The following DTWD2 variants were observed in gnomAD, a reference collection of about 807,000 sequenced individuals.
DTWD2 encodes tRNA-uridine aminocarboxypropyltransferase 2.
DTWD2 carries 39 observed loss-of-function variants against 31.8 expected under a neutral mutation model. The observed-to-expected ratio is 1.22, with a 90% CI of 0.95 to 1.60. DTWD2 has a LOEUF of 1.60. Ranked by LOEUF, DTWD2 falls within the 40% of genes most tolerant of loss-of-function variation. DTWD2 has a pLI of 0.00. For missense variants in DTWD2, 515 were observed against 381.5 expected (o/e 1.35, Z -2.92); for synonymous variants, 180 against 142.8 (o/e 1.26, Z -1.86).
rs1755061999 is a variant in DTWD2, at chr5:118,973,945, T to C, written c.218+14349A>G. On this transcript the variant is annotated intron_variant, in intron 1 of 5. Coordinates refer to ENST00000510708, the MANE Select transcript of DTWD2 (RefSeq NM_173666.4). The stretch of plus-strand genomic sequence containing the variant: ...AAAATGGGGAGCAGGAGGCTGACAA[T>C]GAGGTAGATGAAGAAGAGGAAGAAG... 3.2e-6 allele frequency: 5 copies of C among 1,585,062 alleles called. No individual in the cohort carries two copies. In the Admixed American group the frequency reaches 8.4e-5, roughly 27 times the overall value.
At chr5:118,962,840 G>A (rs1365798275) in intron 1 of DTWD2, among the ~76,000 whole-genome samples, 1 of 152,182 alleles carries the variant, frequency 6.6e-6, no homozygotes, top group Non-Finnish European at 1.5e-5. Flanking sequence ...ACTTTTTCAA[G>A]AGAAAACAGA....
In DTWD2 at chr5:118,984,290, CAA is replaced by C. The variant is rs58684460; in HGVS notation, c.218+4002_218+4003del. Among the ~76,000 whole-genome samples, 5 of 140,224 alleles carry C rather than the reference CAA, an allele frequency of 3.6e-5. No homozygotes were observed. The East Asian group carries it at 6.2e-4, about 17-fold the overall frequency. 92.0% of individuals were successfully genotyped at this position (140,224 alleles called of 152,430 possible). On this transcript the variant is annotated intron_variant, in intron 1 of 5. Coordinates refer to ENST00000510708, the MANE Select transcript of DTWD2 (RefSeq NM_173666.4). ...GGCAACAAGAGCAAAAACTCCATCT[CAA>C]AAAAAAAAAAATACAAAACTTAGCC...
intron 1 of DTWD2, among the ~76,000 whole-genome samples, chr5:118,948,755 G>C (rs1047540990): frequency 3.3e-5 from 5 of 152,116 alleles, no homozygotes; most frequent in Non-Finnish European, 7.4e-5. Flanking sequence ...GATTAGTTAG[G>C]GAGAGCTAGT....
At chr5:118,954,452 T>C (rs1021367947) in intron 1 of DTWD2, among the ~76,000 whole-genome samples, 10 of 152,210 alleles carry the variant, frequency 6.6e-5, no homozygotes, top group African/African-American at 2.4e-4. Context: ...CCTACCTTTT[T>C]CACTGCTATA....
At position 118,888,618 on chromosome 5, in the gene DTWD2, T is replaced by G. The variant is rs186649640; in HGVS notation, c.597+39919A>C. On this transcript the variant is annotated intron_variant, in intron 4 of 5. Transcript: ENST00000510708. Reference sequence around the variant, plus strand: ...ACTTTTCATTTCTCTTGGTTAAATATCTAGGAGTGAAATGGCTGGATCACA... The same window carrying G: ...ACTTTTCATTTCTCTTGGTTAAATAGCTAGGAGTGAAATGGCTGGATCACA... 5.3e-5 allele frequency among the ~76,000 whole-genome samples: 8 copies of G among 152,360 alleles called. No homozygotes were observed. The East Asian group carries it at 1.5e-3, about 29-fold the overall frequency.
intron 1 of DTWD2, among the ~76,000 whole-genome samples, chr5:118,979,148 C>T (rs1052913212): frequency 4.7e-5 from 7 of 150,074 alleles, no homozygotes; most frequent in Middle Eastern, 3.5e-3. Flanking sequence ...GCTAAAAATA[C>T]AAAAAATTAG....
intron 1 of DTWD2, among the ~76,000 whole-genome samples, chr5:118,977,424 A>G (rs1755188266): frequency 6.6e-6 from 1 of 152,216 alleles, no homozygotes; most frequent in African/African-American, 2.4e-5. Context: ...ACATGATTGT[A>G]TATTTAGAAA....
At chr5:118,907,723 A>G (rs927544974) in intron 4 of DTWD2, among the ~76,000 whole-genome samples, 3 of 149,662 alleles carry the variant, frequency 2.0e-5, no homozygotes, top group Non-Finnish European at 4.5e-5. Flanking sequence ...GCGAGACTCC[A>G]TATCAAAAAA....
At chr5:118,982,969 A>G (rs1015522800) in intron 1 of DTWD2, among the ~76,000 whole-genome samples, 1 of 152,076 alleles carries the variant, frequency 6.6e-6, no homozygotes, top group African/African-American at 2.4e-5. Flanking sequence ...GACTACAGGC[A>G]TGAGCCACTG....
chr5:118,881,262 C>A (rs1252626479), intron 4 of DTWD2, among the ~76,000 whole-genome samples: 2 of 152,102 alleles, frequency 1.3e-5, no homozygotes, highest in African/African-American at 4.8e-5. Context: ...TCAACTGATA[C>A]CTTTGCTTTC....
chr5:118,977,872 C>T (rs1399122198), intron 1 of DTWD2, among the ~76,000 whole-genome samples: 1 of 152,106 alleles, frequency 6.6e-6, no homozygotes, highest in Non-Finnish European at 1.5e-5. Context: ...CCCAAATAGC[C>T]AAGACAATCC....
chr5:118,847,988 A>T, intron 5 of DTWD2, 102 bp downstream of exon 5: 1 of 1,260,500 alleles, frequency 7.9e-7, no homozygotes. Flanking sequence ...AGAAGATTCT[A>T]CTTGTCACAT....
In DTWD2 at chr5:118,848,185, C is replaced by T. The variant is rs752075082; in HGVS notation, c.631G>A (p.Val211Ile). The T allele has an allele frequency of 1.2e-6, 2 of 1,605,620 alleles. No homozygotes were observed. Among genetic ancestry groups the T allele is most frequent in the Admixed American group, 3.4e-5 (2 of 58,778 alleles). The part of the protein sequence containing the change: ...QLKTSISSQY[V>I]IRMQPTNRCL... Reference sequence around the variant, plus strand: ...CTATTAGTCGGCTGCATCCGAATTACATACTGACTAGAAATGCTAGTTTTT... The same window carrying T: ...CTATTAGTCGGCTGCATCCGAATTATATACTGACTAGAAATGCTAGTTTTT... Residue 211 changes from valine to isoleucine, a missense_variant, in exon 5 of 6, where the codon GTA (valine) becomes ATA (isoleucine). Physicochemically the swap from Val to Ile is conservative, Grantham distance 29. Transcript: ENST00000510708.
chr5:118,849,766 T>A (rs1751953879), intron 4 of DTWD2, among the ~76,000 whole-genome samples: 1 of 152,156 alleles, frequency 6.6e-6, no homozygotes, highest in East Asian at 1.9e-4. Context: ...CTCAGCAAAC[T>A]AACACAGGAA....
chr5:118,978,882 T>C (rs1387154531), intron 1 of DTWD2, among the ~76,000 whole-genome samples: 1 of 152,028 alleles, frequency 6.6e-6, no homozygotes, highest in Non-Finnish European at 1.5e-5. Flanking sequence ...GGTGCACACA[T>C]GTAGTCCCAG....
chr5:118,988,267 A>T, intron 1 of DTWD2, 27 bp downstream of exon 1: 1 of 1,529,376 alleles, frequency 6.5e-7, no homozygotes, highest in South Asian at 1.2e-5. Context: ...TGCCGGCTGC[A>T]GTCCCCGCCC....
rs1178905160 is a variant in DTWD2 at position 118,885,491 on chromosome 5, C to T, written c.598-37273G>A. On this transcript the variant is annotated intron_variant, in intron 4 of 5. Coordinates refer to ENST00000510708, the MANE Select transcript of DTWD2 (RefSeq NM_173666.4). ...AAAAAAAAAAAAAAAATTGGCCAGG[C>T]GCAGTGGCTCACACCTGTAATCCCA... 3.5e-5 allele frequency among the ~76,000 whole-genome samples: 5 copies of T among 142,112 alleles called. No individual in the cohort carries two copies. The East Asian group carries it at 8.6e-4, about 24-fold the overall frequency. The allele number at this position is 142,112 out of a possible 152,430, so 93.2% of individuals were successfully genotyped here.
intron 4 of DTWD2, among the ~76,000 whole-genome samples, chr5:118,926,296 G>A (rs1753806620): frequency 6.6e-6 from 1 of 152,088 alleles, no homozygotes; most frequent in South Asian, 2.1e-4. Context: ...AAGTAACCCA[G>A]GAATGGAAAA....
chr5:118,939,777 A>G (rs1209726574), intron 2 of DTWD2, among the ~76,000 whole-genome samples: 3 of 152,290 alleles, frequency 2.0e-5, no homozygotes, highest in African/African-American at 4.8e-5. Context: ...AAAACAAAAC[A>G]ATGGGGTATG....
Sources: allele counts gnomAD v4.1 joint callset (sites outside exome capture counted in the v4.1 genomes callset), GRCh38; gene constraint gnomAD v4.1.1; transcripts MANE v1.5; gene names NCBI Gene and HGNC (gene_info 2026-07-23, HGNC 2026-07-21).